The following TFDP1 variants were observed in gnomAD, a reference collection of about 807,000 sequenced individuals.
TFDP1 encodes the protein DRTF1-polypeptide 1.
Under a neutral mutation model 48.0 loss-of-function variants are expected in TFDP1, and 6 were observed. That is an observed-to-expected ratio of 0.13 (90% CI 0.07 to 0.25). The LOEUF (loss-of-function observed/expected upper bound fraction) is 0.25, where lower values mean the gene tolerates loss of function less well. Among genes scored for constraint, TFDP1 ranks in the 10% least tolerant of loss-of-function variants. TFDP1 has a pLI of 1.00. For missense variants in TFDP1, 335 were observed against 543.0 expected (o/e 0.62, Z 3.81); for synonymous variants, 201 against 211.6 (o/e 0.95, Z 0.44).
intron 3 of TFDP1, among the ~76,000 whole-genome samples, chr13:113,611,462 G>A (rs1001369930): frequency 6.6e-6 from 1 of 152,256 alleles, no homozygotes; most frequent in African/African-American, 2.4e-5. Flanking sequence ...CATGCCTTCT[G>A]CGAAGCAGGC....
Position 113,641,359 on chromosome 13 carries a change from CAAAT to C in TFDP1, c.*1096_*1099del, listed in dbSNP as rs1299567397. 1.3e-5 allele frequency: 2 copies of C among 152,228 alleles called. No homozygotes were observed. Among genetic ancestry groups the C allele is most frequent in the African/African-American group, 2.4e-5 (1 of 41,462 alleles). The allele number at this position is 152,228 out of a possible 1,614,324, so 9.4% of individuals were successfully genotyped here. A position where few individuals can be genotyped will look rare whatever the true frequency, so the allele number is the denominator to read the frequency against. ...AAACGATAGTCTTTTTATTGAAACACAAATAAACTTTTCTGTAATATTTTATGGT... is the reference window on the plus strand; with the variant it reads ...AAACGATAGTCTTTTTATTGAAACACAAACTTTTCTGTAATATTTTATGGT... On this transcript the variant is annotated 3_prime_UTR_variant, in exon 12 of 12. Coordinates refer to ENST00000375370, the MANE Select transcript of TFDP1 (RefSeq NM_007111.5).
rs573251858 is a variant in TFDP1, at chr13:113,608,648, T to G, written c.13-2348T>G. Among the ~76,000 whole-genome samples the G allele has an allele frequency of 3.1e-3, 465 of 152,296 alleles. 2 individuals are homozygous for G. The highest frequency in any genetic ancestry group is 0.011 in the African/African-American group (442 of 41,560). On this transcript the variant is annotated intron_variant, in intron 2 of 11. Transcript: ENST00000375370. ...GGCTGTAACTTCCTGGCCTTACCCT[T>G]CTGGCCTTACGCACCTGGCTGTTCT...
chr13:113,608,906 C>T (rs1293242146), intron 2 of TFDP1, among the ~76,000 whole-genome samples: 3 of 152,222 alleles, frequency 2.0e-5, no homozygotes, highest in Non-Finnish European at 2.9e-5. Context: ...CTTTCTCTCC[C>T]AGGCTTAACG....
chr13:113,601,537 C>T (rs1171832423), intron 2 of TFDP1, among the ~76,000 whole-genome samples: 1 of 152,232 alleles, frequency 6.6e-6, no homozygotes, highest in Non-Finnish European at 1.5e-5. Flanking sequence ...GGGCAGCCCA[C>T]TTGGGGGCCC....
rs570224278 is a variant in TFDP1, at chr13:113,600,383, C to G, written c.13-10613C>G. On this transcript the variant is annotated intron_variant, in intron 2 of 11. Coordinates refer to ENST00000375370, the MANE Select transcript of TFDP1 (RefSeq NM_007111.5). The stretch of plus-strand genomic sequence containing the variant: ...GGCTCCAGGACCGCGATAGAGAACC[C>G]AGGACCGTAAGCGAGAATCCTTGCA... Among the ~76,000 whole-genome samples the G allele has an allele frequency of 2.3e-3, 339 of 149,804 alleles. 2 individuals are homozygous for G. Among genetic ancestry groups the G allele is most frequent in the Non-Finnish European group, 2.5e-3 (169 of 67,550 alleles).
At chr13:113,590,006 A>G (rs1446874938) in intron 2 of TFDP1, among the ~76,000 whole-genome samples, 1 of 152,204 alleles carries the variant, frequency 6.6e-6, no homozygotes, top group Non-Finnish European at 1.5e-5. Context: ...CATTACAGGG[A>G]TGCTTTTGCT....
At chr13:113,628,995 C>T (rs2140551198) in intron 4 of TFDP1, among the ~76,000 whole-genome samples, 1 of 152,336 alleles carries the variant, frequency 6.6e-6, no homozygotes, top group South Asian at 2.1e-4. Flanking sequence ...AGGAAACGCA[C>T]ACACCTGTGC....
intron 2 of TFDP1, among the ~76,000 whole-genome samples, chr13:113,594,264 G>T (rs1051427303): frequency 6.7e-6 from 1 of 149,286 alleles, no homozygotes; most frequent in Non-Finnish European, 1.5e-5. Context: ...TGTGGTGTAC[G>T]TGGGTCCTCA....
In TFDP1 at chr13:113,637,893, C is replaced by T. The variant is rs2049535529; in HGVS notation, c.1082C>T (p.Ala361Val). The change falls in exon 11 of 12, where the codon GCC becomes GTC. Residue 361 changes from alanine (A) to valine (V), a missense_variant. Ala to Val is a moderately conservative substitution (Grantham distance 64). Transcript: ENST00000375370. The part of the protein sequence containing the change: ...GSTSNGTRFS[A>V]SDLTNGADGM... ...ACGTCTAACGGCACAAGGTTCTCTG[C>T]CAGGTGACAGTCGTTGAGGGTGTGG... The T allele has an allele frequency of 1.2e-6, 2 of 1,613,196 alleles. No homozygotes were observed. The highest frequency in any genetic ancestry group is 1.7e-5 in the Admixed American group (1 of 60,020).
At chr13:113,585,947 C>A in intron 2 of TFDP1, 98 bp downstream of exon 2, 2 of 1,351,970 alleles carry the variant, frequency 1.5e-6, no homozygotes, top group Non-Finnish European at 2.1e-6. Context: ...ACATAAGCTA[C>A]AGTAGTGTTT....
In TFDP1 at chr13:113,623,405, G is replaced by A. The variant is rs1287716212; in HGVS notation, c.186+119G>A. ...ATTTGGGCTCCAGTTGCAGCATGGG[G>A]CCTTTCCCTCATCAGGGAGCCCGTG... On this transcript the variant is annotated intron_variant, in intron 4 of 11. Coordinates refer to ENST00000375370, the MANE Select transcript of TFDP1 (RefSeq NM_007111.5). This position sits in a 1 kb window ranked among gnomAD's most constrained non-coding sequence, Gnocchi z 5.2. 3 of 916,288 alleles carry A rather than the reference G, an allele frequency of 3.3e-6. No homozygotes were observed. The highest frequency in any genetic ancestry group is 5.0e-6 in the Non-Finnish European group (3 of 604,104). 56.8% of individuals were successfully genotyped at this position (916,288 alleles called of 1,614,324 possible).
chr13:113,638,631 T>C (rs2049564477), intron 11 of TFDP1, among the ~76,000 whole-genome samples: 1 of 152,270 alleles, frequency 6.6e-6, no homozygotes, highest in South Asian at 2.1e-4. Context: ...TTTTATTGTA[T>C]GAATATATAT....
chr13:113,634,947 G>A (rs566048971), intron 8 of TFDP1, among the ~76,000 whole-genome samples: 1 of 152,306 alleles, frequency 6.6e-6, no homozygotes, highest in South Asian at 2.1e-4. Context: ...ACATGTGTAT[G>A]TGTGTATCTC....
At chr13:113,613,796 G>C (rs889004924) in intron 3 of TFDP1, among the ~76,000 whole-genome samples, 14 of 151,232 alleles carry the variant, frequency 9.3e-5, no homozygotes, top group Admixed American at 2.6e-4. Flanking sequence ...TGCATTGTGC[G>C]TGTGGAGTGT....
chr13:113,592,310 C>T (rs909729895), intron 2 of TFDP1, among the ~76,000 whole-genome samples: 2 of 152,238 alleles, frequency 1.3e-5, no homozygotes, highest in Non-Finnish European at 2.9e-5. Context: ...CATGCGCCAC[C>T]ATACCCTGCT....
intron 5 of TFDP1, among the ~76,000 whole-genome samples, chr13:113,632,727 G>A (rs1261883358): frequency 1.3e-5 from 2 of 152,148 alleles, no homozygotes; most frequent in Non-Finnish European, 2.9e-5. Context: ...GCAGTGAGCC[G>A]AGATGGCGCC....
intron 3 of TFDP1, among the ~76,000 whole-genome samples, chr13:113,617,219 C>A (rs1269104627): frequency 6.6e-6 from 1 of 152,202 alleles, no homozygotes; most frequent in Non-Finnish European, 1.5e-5. Context: ...TGTGTGGGAG[C>A]TGCCTCAGCC....
rs4150772 is a variant in TFDP1, at chr13:113,631,270, C to T, written c.187-353C>T. ...AAGTGCCCTGTGTGGAATTCTGTGC[C>T]GCCCCCTTCATTAAACTTGACCGTT... On this transcript the variant is annotated intron_variant, in intron 4 of 11. Coordinates refer to ENST00000375370, the MANE Select transcript of TFDP1 (RefSeq NM_007111.5). Among the ~76,000 whole-genome samples, 981 of 152,224 alleles carry T rather than the reference C, an allele frequency of 6.4e-3. 10 individuals are homozygous for T. The highest frequency in any genetic ancestry group is 0.018 in the African/African-American group (736 of 41,522).
chr13:113,632,692 C>T (rs1265694425), intron 5 of TFDP1, among the ~76,000 whole-genome samples: 3 of 152,200 alleles, frequency 2.0e-5, no homozygotes, highest in African/African-American at 4.8e-5. Flanking sequence ...GCAGGAGAAT[C>T]GCTTGAACCC....
Sources: gnomAD v4.1 joint callset for allele counts (sites outside exome capture counted in the v4.1 genomes callset) on GRCh38, gnomAD v4.1.1 for gene constraint, Gnocchi (gnomAD v3.1) non-coding constraint, MANE v1.5 for transcripts, NCBI Gene and HGNC (gene_info 2026-07-23, HGNC 2026-07-21) for gene names.